The following SLC9A9 variants were observed in gnomAD, a reference collection of about 807,000 sequenced individuals.
SLC9A9 encodes the protein sodium/hydrogen exchanger 9.
Under a neutral mutation model 77.8 loss-of-function variants are expected in SLC9A9, and 62 were observed. The observed-to-expected ratio is 0.80, with a 90% confidence interval of 0.65 to 0.98. SLC9A9 has a LOEUF of 0.98. Ranked by LOEUF, SLC9A9 falls within the 50% of genes least tolerant of loss-of-function variation. The probability of loss-of-function intolerance (pLI) is 0.00; values close to 1 mark genes in which losing one functional copy is unlikely to be tolerated. For missense variants in SLC9A9, 775 were observed against 774.9 expected (o/e 1.00, Z 0.00); for synonymous variants, 320 against 283.5 (o/e 1.13, Z -1.29).
chr3:143,300,753 T>A (rs984854443), intron 14 of SLC9A9, among the ~76,000 whole-genome samples: 16 of 152,230 alleles, frequency 1.1e-4, no homozygotes, highest in African/African-American at 3.9e-4. Context: ...TCAGGTTTTT[T>A]AAAAGTTTCT....
At chr3:143,434,696 A>G (rs553848954) in intron 12 of SLC9A9, among the ~76,000 whole-genome samples, 6 of 152,186 alleles carry the variant, frequency 3.9e-5, no homozygotes, top group African/African-American at 4.8e-5. Flanking sequence ...ACCTGGATTC[A>G]GTCTCATAAA....
intron 5 of SLC9A9, among the ~76,000 whole-genome samples, chr3:143,654,915 G>C (rs905659200): frequency 3.9e-5 from 6 of 152,196 alleles, no homozygotes; most frequent in African/African-American, 1.4e-4. Flanking sequence ...ATCCAGTTTT[G>C]TTCATAACTG....
At chr3:143,429,703 C>A (rs916096021) in intron 12 of SLC9A9, among the ~76,000 whole-genome samples, 2 of 152,132 alleles carry the variant, frequency 1.3e-5, no homozygotes, top group African/African-American at 2.4e-5. Context: ...AGTGCACACC[C>A]AGATGGAGAT....
At chr3:143,332,748 A>G (rs2108455926) in intron 14 of SLC9A9, among the ~76,000 whole-genome samples, 1 of 152,326 alleles carries the variant, frequency 6.6e-6, no homozygotes, top group Middle Eastern at 3.4e-3. Context: ...ATCTCTTTTA[A>G]TGTATACTTG....
chr3:143,649,254 G>A (rs1167626392), intron 6 of SLC9A9, among the ~76,000 whole-genome samples: 3 of 152,126 alleles, frequency 2.0e-5, no homozygotes, highest in African/African-American at 7.2e-5. Flanking sequence ...ATAACATTTA[G>A]AAATGCAAAT....
At chr3:143,347,954 G>A (rs1378823627) in intron 14 of SLC9A9, among the ~76,000 whole-genome samples, 2 of 151,664 alleles carry the variant, frequency 1.3e-5, no homozygotes, top group Non-Finnish European at 2.9e-5. Context: ...TTGCTTCCTT[G>A]TTTCTATCAG....
intron 2 of SLC9A9, among the ~76,000 whole-genome samples, chr3:143,824,303 CA>C (rs1451840150): frequency 6.7e-6 from 1 of 149,608 alleles, no homozygotes; most frequent in Non-Finnish European, 1.5e-5. Context: ...AAAAAAAAAC[CA>C]AAAAACCAAA....
intron 14 of SLC9A9, among the ~76,000 whole-genome samples, chr3:143,313,473 T>C (rs1368658730): frequency 6.6e-6 from 1 of 152,236 alleles, no homozygotes; most frequent in Non-Finnish European, 1.5e-5. Flanking sequence ...TGCTCTTTCC[T>C]GGCAGCCACA....
intron 1 of SLC9A9, among the ~76,000 whole-genome samples, chr3:143,835,016 A>T (rs917629825): frequency 2.0e-5 from 3 of 152,116 alleles, no homozygotes; most frequent in Non-Finnish European, 4.4e-5. Flanking sequence ...AGGCAAGCAG[A>T]TGGGGACTCC....
chr3:143,806,715 T>C (rs1384378210), intron 2 of SLC9A9, among the ~76,000 whole-genome samples: 1 of 144,024 alleles, frequency 6.9e-6, no homozygotes, highest in Non-Finnish European at 1.5e-5. Flanking sequence ...TACCAGAGGC[T>C]GGGAAGGGTA....
intron 1 of SLC9A9, among the ~76,000 whole-genome samples, chr3:143,835,356 G>A (rs540319220): frequency 2.9e-4 from 44 of 152,348 alleles, no homozygotes; most frequent in African/African-American, 1.0e-3. Flanking sequence ...TAGATGGTAA[G>A]AGCCAGTGTG....
chr3:143,583,655 T>TG (rs2037493254), intron 6 of SLC9A9, among the ~76,000 whole-genome samples: 1 of 152,218 alleles, frequency 6.6e-6, no homozygotes, highest in African/African-American at 2.4e-5. Context: ...CCAACCACAC[T>TG]GGGTTGCTAT....
intron 9 of SLC9A9, among the ~76,000 whole-genome samples, chr3:143,537,437 T>C (rs753252183): frequency 6.6e-6 from 1 of 152,104 alleles, no homozygotes; most frequent in African/African-American, 2.4e-5. Flanking sequence ...CTGCAGCCTG[T>C]GCTCCCTCCC....
chr3:143,630,166 A>AC (rs2038398295), intron 6 of SLC9A9, among the ~76,000 whole-genome samples: 1 of 152,236 alleles, frequency 6.6e-6, no homozygotes, highest in Admixed American at 6.5e-5. Context: ...TCTTTGCGTT[A>AC]TTCATCAAGG....
intron 11 of SLC9A9, among the ~76,000 whole-genome samples, chr3:143,468,783 G>A (rs533333202): frequency 6.6e-6 from 1 of 152,150 alleles, no homozygotes; most frequent in African/African-American, 2.4e-5. Flanking sequence ...ATTAAAACCT[G>A]TTTTTTCTTA....
intron 12 of SLC9A9, among the ~76,000 whole-genome samples, chr3:143,402,336 C>T (rs764143838): frequency 5.9e-5 from 9 of 151,814 alleles, no homozygotes; most frequent in Non-Finnish European, 7.4e-5. Context: ...ACTTATTGCT[C>T]GAGATGTCCA....
intron 5 of SLC9A9, among the ~76,000 whole-genome samples, chr3:143,677,015 A>G (rs915950584): frequency 1.3e-5 from 2 of 152,194 alleles, no homozygotes; most frequent in African/African-American, 2.4e-5. Flanking sequence ...TTGGGGACAC[A>G]GTGGATTACT....
chr3:143,569,412 G>T (rs974176605), intron 8 of SLC9A9, among the ~76,000 whole-genome samples: 1 of 150,606 alleles, frequency 6.6e-6, no homozygotes, highest in Non-Finnish European at 1.5e-5. Context: ...AAAAGTTGAT[G>T]GGTGTTAGGA....
intron 2 of SLC9A9, among the ~76,000 whole-genome samples, chr3:143,821,139 G>A (rs2009156534): frequency 6.6e-6 from 1 of 151,928 alleles, no homozygotes; most frequent in Non-Finnish European, 1.5e-5. Context: ...AAATTAAATT[G>A]GTGCATATTT....
Sources: gnomAD v4.1 joint callset for allele counts (sites outside exome capture counted in the v4.1 genomes callset) on GRCh38, gnomAD v4.1.1 for gene constraint, MANE v1.5 for transcripts, NCBI Gene and HGNC (gene_info 2026-07-23, HGNC 2026-07-21) for gene names.